Variants in MIPOL1 observed in about 807,000 individuals in gnomAD.
MIPOL1 encodes mirror-image polydactyly 1.
Under a neutral mutation model 60.9 loss-of-function variants are expected in MIPOL1, and 57 were observed. The ratio of observed to expected loss-of-function variants is 0.94; its 90% CI spans 0.76 to 1.17. The LOEUF is 1.17. Ranked by LOEUF, MIPOL1 falls within the 50% of genes most tolerant of loss-of-function variation. The probability of loss-of-function intolerance (pLI) is 0.00; values close to 1 mark genes in which losing one functional copy is unlikely to be tolerated. For missense variants in MIPOL1, 551 were observed against 511.6 expected (o/e 1.08, Z -0.74); for synonymous variants, 179 against 168.8 (o/e 1.06, Z -0.47).
chr14:37,421,996 A>G (rs2153550173), intron 10 of MIPOL1, among the ~76,000 whole-genome samples: 1 of 152,218 alleles, frequency 6.6e-6, no homozygotes, highest in South Asian at 2.1e-4. Flanking sequence ...CACCATTTAA[A>G]GCAAAGTGAA....
intron 10 of MIPOL1, among the ~76,000 whole-genome samples, chr14:37,371,699 A>G (rs528964419): frequency 1.3e-5 from 2 of 152,284 alleles, no homozygotes; most frequent in South Asian, 4.1e-4. Context: ...ATTTTATGCC[A>G]TATTTCCTCA....
intron 1 of MIPOL1, among the ~76,000 whole-genome samples, chr14:37,202,719 A>G (rs1210921991): frequency 1.3e-5 from 2 of 152,192 alleles, no homozygotes; most frequent in African/African-American, 2.4e-5. Context: ...AATTGTAGTC[A>G]TTAGCTTCTG....
At chr14:37,334,910 A>T (rs2089994713) in intron 9 of MIPOL1, among the ~76,000 whole-genome samples, 1 of 152,052 alleles carries the variant, frequency 6.6e-6, no homozygotes, top group South Asian at 2.1e-4. Context: ...TATTTTGTTT[A>T]TTCATTTATC....
At chr14:37,222,607 T>G (rs970203374) in intron 1 of MIPOL1, among the ~76,000 whole-genome samples, 1 of 152,206 alleles carries the variant, frequency 6.6e-6, no homozygotes, top group Non-Finnish European at 1.5e-5. Flanking sequence ...TTGCCTTTAC[T>G]CAAGTTTCCA....
chr14:37,289,877 A>G (rs529366767), intron 7 of MIPOL1, among the ~76,000 whole-genome samples: 7 of 152,306 alleles, frequency 4.6e-5, no homozygotes, highest in Admixed American at 1.3e-4. Context: ...GCTGCCAGCT[A>G]TCAGTTAATC....
intron 11 of MIPOL1, among the ~76,000 whole-genome samples, chr14:37,489,099 A>C (rs1464967443): frequency 6.6e-6 from 1 of 152,278 alleles, no homozygotes; most frequent in Non-Finnish European, 1.5e-5. Flanking sequence ...TACACCAATC[A>C]AAAGTAGATT....
In MIPOL1 at chr14:37,443,457, C is replaced by CAAA. The variant is rs3062712; in HGVS notation, c.1031+20532_1031+20534dup. Among the ~76,000 whole-genome samples, 19 of 45,450 alleles carry CAAA rather than the reference C, an allele frequency of 4.2e-4. 1 individual carries two copies. The highest frequency in any genetic ancestry group is 8.9e-4 in the African/African-American group (11 of 12,358). The allele number at this position is 45,450 out of a possible 152,430, so 29.8% of individuals were successfully genotyped here. On this transcript the variant is annotated intron_variant, in intron 11 of 12. Transcript: ENST00000684589. ...CTGGGTGACAGAGAGACTATCTCAC[C>CAAA]AAAAAAAAAAAAAAAAAAAAAAAAA...
At chr14:37,411,386 T>A (rs900047436) in intron 10 of MIPOL1, among the ~76,000 whole-genome samples, 2 of 152,176 alleles carry the variant, frequency 1.3e-5, no homozygotes, top group African/African-American at 4.8e-5. Context: ...GCGTGTATTT[T>A]AGATATTTTC....
intron 1 of MIPOL1, among the ~76,000 whole-genome samples, chr14:37,231,269 A>T (rs890095497): frequency 6.6e-6 from 1 of 151,922 alleles, no homozygotes; most frequent in Admixed American, 6.6e-5. Context: ...TTTATTTTTC[A>T]TAGAGATGGA....
chr14:37,527,369 T>C (rs78404685), intron 12 of MIPOL1, among the ~76,000 whole-genome samples: 11,458 of 152,176 alleles, frequency 0.075, 598 homozygotes, highest in Non-Finnish European at 0.11. Context: ...AGAGAAAGCA[T>C]TAGAACTGTT....
intron 11 of MIPOL1, among the ~76,000 whole-genome samples, chr14:37,447,325 A>G (rs992149361): frequency 6.6e-6 from 1 of 152,162 alleles, no homozygotes; most frequent in African/African-American, 2.4e-5. Context: ...CTAATATACT[A>G]TCTGGCTGAT....
chr14:37,399,820 T>A (rs1265030532), intron 10 of MIPOL1: 1 of 152,118 alleles, frequency 6.6e-6, no homozygotes, highest in African/African-American at 2.4e-5. Flanking sequence ...AACACCAGTA[T>A]TGGTTTTAGC....
At chr14:37,371,709 A>T (rs996302881) in intron 10 of MIPOL1, among the ~76,000 whole-genome samples, 1 of 152,164 alleles carries the variant, frequency 6.6e-6, no homozygotes, top group Non-Finnish European at 1.5e-5. Context: ...ATATTTCCTC[A>T]TGAGAAGCTC....
intron 1 of MIPOL1, among the ~76,000 whole-genome samples, chr14:37,235,078 A>G (rs1054585763): frequency 1.3e-5 from 2 of 151,252 alleles, no homozygotes; most frequent in South Asian, 2.1e-4. Flanking sequence ...GGCGTGAGCC[A>G]TTGTGCCCAG....
chr14:37,299,276 C>G (rs904870460), intron 7 of MIPOL1, among the ~76,000 whole-genome samples: 8 of 145,570 alleles, frequency 5.5e-5, no homozygotes, highest in Non-Finnish European at 3.0e-5. Context: ...ACATCACACA[C>G]AGGGGACTGT....
chr14:37,410,008 G>A (rs1466723380), intron 10 of MIPOL1, among the ~76,000 whole-genome samples: 1 of 152,058 alleles, frequency 6.6e-6, no homozygotes, highest in East Asian at 1.9e-4. Context: ...AAAACTAATG[G>A]AAGATATCTA....
intron 1 of MIPOL1, among the ~76,000 whole-genome samples, chr14:37,222,235 T>C (rs59494127): frequency 0.072 from 10,982 of 151,700 alleles, 1,332 homozygotes; most frequent in African/African-American, 0.25. Context: ...TTTTTTTTTT[T>C]TTGAGATTGG....
chr14:37,316,409 C>A (rs1263325800), intron 9 of MIPOL1, among the ~76,000 whole-genome samples: 1 of 151,982 alleles, frequency 6.6e-6, no homozygotes, highest in Admixed American at 6.6e-5. Flanking sequence ...TAGATTTGAT[C>A]ACATGGATGA....
intron 9 of MIPOL1, among the ~76,000 whole-genome samples, chr14:37,348,057 C>G (rs1371764263): frequency 2.0e-5 from 3 of 152,092 alleles, no homozygotes; most frequent in Non-Finnish European, 4.4e-5. Context: ...ACCTCATTCG[C>G]CTTTCTGGCT....
Sources: gnomAD v4.1 joint callset for allele counts (sites outside exome capture counted in the v4.1 genomes callset) on GRCh38, gnomAD v4.1.1 for gene constraint, MANE v1.5 for transcripts, NCBI Gene and HGNC (gene_info 2026-07-23, HGNC 2026-07-21) for gene names.